The following ST6GALNAC3 variants were observed in gnomAD, a reference collection of about 807,000 sequenced individuals.
ST6GALNAC3 encodes the protein ST6 N-acetylgalactosaminide alpha-2,6-sialyltransferase 3.
Under a neutral mutation model 32.7 loss-of-function variants are expected in ST6GALNAC3, and 25 were observed. The observed-to-expected ratio is 0.76, with a 90% CI of 0.56 to 1.07. The LOEUF (loss-of-function observed/expected upper bound fraction) is 1.07. Ranked by LOEUF, ST6GALNAC3 falls within the 50% of genes least tolerant of loss-of-function variation. The pLI is 0.00. For synonymous variants in ST6GALNAC3, 129 were observed against 133.1 expected (o/e 0.97, Z 0.21); for missense variants, 355 against 382.4 (o/e 0.93, Z 0.60).
intron 3 of ST6GALNAC3, among the ~76,000 whole-genome samples, chr1:76,444,090 T>C (rs1557891332): frequency 6.6e-6 from 1 of 152,242 alleles, no homozygotes; most frequent in Non-Finnish European, 1.5e-5. Flanking sequence ...TTTTAATTTA[T>C]GACAGACTTG....
At chr1:76,277,235 T>C (rs560629153) in intron 1 of ST6GALNAC3, among the ~76,000 whole-genome samples, 7 of 152,170 alleles carry the variant, frequency 4.6e-5, no homozygotes, top group African/African-American at 1.4e-4. Flanking sequence ...CAACCTCATA[T>C]ATATTTGTGT....
At chr1:76,400,606 G>A (rs575699568) in intron 2 of ST6GALNAC3, among the ~76,000 whole-genome samples, 12 of 152,138 alleles carry the variant, frequency 7.9e-5, no homozygotes, top group South Asian at 2.1e-4. Flanking sequence ...GTAATGTTAC[G>A]CTGGGCATGG....
At chr1:76,441,684 C>A (rs1656618080) in intron 3 of ST6GALNAC3, among the ~76,000 whole-genome samples, 1 of 151,744 alleles carries the variant, frequency 6.6e-6, no homozygotes, top group African/African-American at 2.4e-5. Flanking sequence ...CTATAGTCAC[C>A]CTTTATTCTA....
At chr1:76,506,917 G>A (rs538051500) in intron 3 of ST6GALNAC3, among the ~76,000 whole-genome samples, 1 of 152,324 alleles carries the variant, frequency 6.6e-6, no homozygotes, top group East Asian at 1.9e-4. Flanking sequence ...GAGTGAAATA[G>A]CAGAAATAAA....
chr1:76,340,010 G>C (rs974018335), intron 2 of ST6GALNAC3, among the ~76,000 whole-genome samples: 4 of 152,186 alleles, frequency 2.6e-5, no homozygotes, highest in Non-Finnish European at 5.9e-5. Flanking sequence ...CCCTGAGCTA[G>C]GAGCTTGATT....
intron 2 of ST6GALNAC3, among the ~76,000 whole-genome samples, chr1:76,395,485 G>T (rs891219612): frequency 9.2e-5 from 14 of 152,096 alleles, no homozygotes; most frequent in African/African-American, 3.4e-4. Context: ...AAGTATACCT[G>T]CATCCTATGT....
intron 3 of ST6GALNAC3, among the ~76,000 whole-genome samples, chr1:76,508,899 G>A (rs1661654069): frequency 2.0e-5 from 3 of 152,166 alleles, no homozygotes; most frequent in Admixed American, 1.3e-4. Context: ...TCACATCAAA[G>A]TAGACATAAA....
chr1:76,490,525 T>C (rs548129561), intron 3 of ST6GALNAC3, among the ~76,000 whole-genome samples: 1 of 150,426 alleles, frequency 6.6e-6, no homozygotes, highest in East Asian at 1.9e-4. Flanking sequence ...TGTGTGTTTC[T>C]ATGTATCTCA....
intron 1 of ST6GALNAC3, 31 bp downstream of exon 1, chr1:76,074,915 T>G (rs1571084465): frequency 6.3e-7 from 1 of 1,579,960 alleles, no homozygotes; most frequent in Non-Finnish European, 8.6e-7. Context: ...CTCGGACGCG[T>G]GGTTGGCCAG....
rs530834503 is a variant in ST6GALNAC3, at chr1:76,545,741, C to T, written c.624-81711C>T. On this transcript the variant is annotated intron_variant, in intron 3 of 4. Coordinates refer to ENST00000328299, the MANE Select transcript of ST6GALNAC3 (RefSeq NM_152996.4). ...GCGCACTCTCAGCTCACCACAGCCT[C>T]CGCCTCTCAGGTTCAAGTGATTCTC... Among the ~76,000 whole-genome samples, 14 of 152,010 alleles carry T rather than the reference C, an allele frequency of 9.2e-5. 1 individual carries two copies. In the South Asian group the frequency reaches 2.7e-3, roughly 29 times the overall value.
chr1:76,349,798 T>A (rs954803302), intron 2 of ST6GALNAC3, among the ~76,000 whole-genome samples: 1 of 152,188 alleles, frequency 6.6e-6, no homozygotes, highest in Admixed American at 6.5e-5. Flanking sequence ...TTTTGGTTCT[T>A]CTGTTGTTTC....
At chr1:76,158,358 GC>G (rs1553160692) in intron 1 of ST6GALNAC3, among the ~76,000 whole-genome samples, 1 of 152,164 alleles carries the variant, frequency 6.6e-6, no homozygotes, top group Non-Finnish European at 1.5e-5. Flanking sequence ...ACTGAGTCAG[GC>G]CAATTAACTT....
chr1:76,471,583 G>A (rs1314830495), intron 3 of ST6GALNAC3, among the ~76,000 whole-genome samples: 1 of 152,054 alleles, frequency 6.6e-6, no homozygotes, highest in Non-Finnish European at 1.5e-5. Flanking sequence ...TTGAGCACTA[G>A]CACTTCAAAC....
At chr1:76,318,416 C>G (rs1356508096) in intron 2 of ST6GALNAC3, among the ~76,000 whole-genome samples, 2 of 152,080 alleles carry the variant, frequency 1.3e-5, no homozygotes, top group Non-Finnish European at 1.5e-5. Context: ...AAAATGAGTG[C>G]CAACTAACTG....
At chr1:76,389,794 A>G (rs1425363909) in intron 2 of ST6GALNAC3, among the ~76,000 whole-genome samples, 2 of 152,240 alleles carry the variant, frequency 1.3e-5, no homozygotes, top group East Asian at 3.8e-4. Flanking sequence ...TTATCCATCA[A>G]ATAAAAAGTG....
At chr1:76,500,453 T>G (rs1055825244) in intron 3 of ST6GALNAC3, among the ~76,000 whole-genome samples, 8 of 152,224 alleles carry the variant, frequency 5.3e-5, no homozygotes, top group African/African-American at 1.7e-4. Flanking sequence ...TCTGTAGGGC[T>G]GTATGTTGGA....
At chr1:76,182,372 A>G (rs914344054) in intron 1 of ST6GALNAC3, among the ~76,000 whole-genome samples, 4 of 152,202 alleles carry the variant, frequency 2.6e-5, no homozygotes, top group Admixed American at 6.5e-5. Flanking sequence ...TGTAGCATGA[A>G]ACTAATATCT....
chr1:76,276,191 C>CTA (rs59142016), intron 1 of ST6GALNAC3, among the ~76,000 whole-genome samples: 13,226 of 149,630 alleles, frequency 0.088, 907 homozygotes, highest in African/African-American at 0.19. Context: ...TATATATGTA[C>CTA]TATATATATA....
intron 3 of ST6GALNAC3, among the ~76,000 whole-genome samples, chr1:76,510,644 G>A (rs1357030027): frequency 6.6e-6 from 1 of 152,074 alleles, no homozygotes; most frequent in Admixed American, 6.6e-5. Context: ...CTTATGATGG[G>A]GTTATATTTG....
Sources: gnomAD v4.1 joint callset for allele counts (sites outside exome capture counted in the v4.1 genomes callset) on GRCh38, gnomAD v4.1.1 for gene constraint, MANE v1.5 for transcripts, NCBI Gene and HGNC (gene_info 2026-07-23, HGNC 2026-07-21) for gene names.